MBNL3: variants seen among roughly 807,000 people sequenced by gnomAD.
MBNL3 encodes muscleblind like splicing regulator 3, also known as muscleblind-like protein 3.
Under a neutral mutation model 24.5 loss-of-function variants are expected in MBNL3, and 6 were observed. The observed-to-expected ratio is 0.25, with a 90% CI of 0.13 to 0.48. The LOEUF (loss-of-function observed/expected upper bound fraction) is 0.48. MBNL3 is among the 20% of genes least tolerant of loss of function. MBNL3 has a pLI of 0.99. For synonymous variants in MBNL3, 100 were observed against 101.7 expected (o/e 0.98, Z 0.10); for missense variants, 230 against 293.5 (o/e 0.78, Z 1.58).
chrX:132,412,159 A>G (rs932539275), intron 2 of MBNL3, among the ~76,000 whole-genome samples: 1 of 111,038 alleles, frequency 9.0e-6, no homozygotes, highest in African/African-American at 3.3e-5. Flanking sequence ...GTAATTTAGT[A>G]TAACTTAACC....
intron 1 of MBNL3, among the ~76,000 whole-genome samples, chrX:132,456,150 A>T (rs776437185): frequency 8.9e-6 from 1 of 112,292 alleles, no homozygotes; most frequent in African/African-American, 3.2e-5. Flanking sequence ...CTTCTGTTAA[A>T]CAAATAATTT....
At chrX:132,420,298 G>C (rs1943679467) in intron 2 of MBNL3, among the ~76,000 whole-genome samples, 1 of 112,198 alleles carries the variant, frequency 8.9e-6, no homozygotes. Flanking sequence ...GAGCGCAGCA[G>C]ACACCCTGCC....
chrX:132,464,593 C>T (rs1481686648), intron 1 of MBNL3, among the ~76,000 whole-genome samples: 1 of 111,893 alleles, frequency 8.9e-6, no homozygotes, highest in East Asian at 2.8e-4. Flanking sequence ...CATTTCTTTA[C>T]GAGCTTATTC....
chrX:132,454,773 T>G (rs1258326414), intron 1 of MBNL3, among the ~76,000 whole-genome samples: 1 of 112,296 alleles, frequency 8.9e-6, no homozygotes, highest in Non-Finnish European at 1.9e-5. Context: ...ACAAACCAAC[T>G]GCCTAGAGTT....
intron 1 of MBNL3, among the ~76,000 whole-genome samples, chrX:132,442,243 T>C (rs1197519206): frequency 8.9e-6 from 1 of 111,763 alleles, no homozygotes; most frequent in Non-Finnish European, 1.9e-5. Context: ...AATAGATGAA[T>C]TGGGTAATAT....
At chrX:132,385,068 G>A (rs1004862377) in intron 6 of MBNL3, among the ~76,000 whole-genome samples, 6 of 110,740 alleles carry the variant, frequency 5.4e-5, no homozygotes, top group Admixed American at 1.9e-4. Context: ...TCTGGTGTCC[G>A]TGTTTCTATT....
chrX:132,406,076 T>TG lies in MBNL3; in HGVS notation c.342+151dup. 4.9e-6 allele frequency: 3 copies of TG among 617,927 alleles called. No individual in the cohort carries two copies. In the South Asian group the frequency reaches 8.2e-5, roughly 17 times the overall value. The allele number at this position is 617,927 out of a possible 1,213,427, so 50.9% of individuals were successfully genotyped here. On this transcript the variant is annotated intron_variant, in intron 3 of 8. Coordinates refer to ENST00000370853, the MANE Select transcript of MBNL3 (RefSeq NM_001386889.1). ...AGCCAGGTTTTCAGTGCAACACACC[T>TG]GACTGCTCTCTTCAAGTGCACAGCT...
At chrX:132,487,853 G>GAAACA (rs993753703) in intron 1 of MBNL3, among the ~76,000 whole-genome samples, 3 of 112,113 alleles carry the variant, frequency 2.7e-5, no homozygotes, top group Admixed American at 9.4e-5. Context: ...ACTGGAGGGG[G>GAAACA]AAACAAAACA....
intron 6 of MBNL3, among the ~76,000 whole-genome samples, chrX:132,385,310 G>T (rs1049833099): frequency 9.0e-6 from 1 of 111,488 alleles, no homozygotes; most frequent in Non-Finnish European, 1.9e-5. Context: ...AGTAACTGTA[G>T]TATTAAGAAA....
Position 132,379,686 on chromosome X carries a change from G to GAA in MBNL3, c.1054-11_1054-10dup. ...GCTGTTCAGAATTTCAGCTGAAATGGAAAAAAAAAGAAAGAAAGAAAGAGT... is the reference window on the plus strand; with the variant it reads ...GCTGTTCAGAATTTCAGCTGAAATGGAAAAAAAAAAAGAAAGAAAGAAAGAGT... On this transcript the variant is annotated splice_polypyrimidine_tract_variant and intron_variant, in intron 8 of 8. Coordinates refer to ENST00000370853, the MANE Select transcript of MBNL3 (RefSeq NM_001386889.1). 1 of 1,137,760 alleles carries GAA rather than the reference G, an allele frequency of 8.8e-7. No individual in the cohort carries two copies. Among genetic ancestry groups the GAA allele is most frequent in the Admixed American group, 2.3e-5 (1 of 43,755 alleles). 93.8% of individuals were successfully genotyped at this position (1,137,760 alleles called of 1,213,427 possible). A position where few individuals can be genotyped will look rare whatever the true frequency, so the allele number is the denominator to read the frequency against.
chrX:132,380,555 G>A (rs1046241830), intron 8 of MBNL3, among the ~76,000 whole-genome samples: 19 of 111,437 alleles, frequency 1.7e-4, no homozygotes, highest in Non-Finnish European at 3.2e-4. Flanking sequence ...TCCTCAGCAG[G>A]AAAGAAGGGC....
At chrX:132,434,457 T>C (rs895238763) in intron 2 of MBNL3, among the ~76,000 whole-genome samples, 2 of 112,271 alleles carry the variant, frequency 1.8e-5, no homozygotes, top group African/African-American at 6.5e-5. Flanking sequence ...ATGGGGGACA[T>C]AGTTATCAGT....
At chrX:132,469,964 G>A (rs1004919756) in intron 1 of MBNL3, among the ~76,000 whole-genome samples, 19 of 111,561 alleles carry the variant, frequency 1.7e-4, no homozygotes, top group Non-Finnish European at 2.6e-4. Flanking sequence ...GAATCATATC[G>A]TAGGTAGCCT....
At chrX:132,425,291 G>T (rs937223218) in intron 2 of MBNL3, among the ~76,000 whole-genome samples, 1 of 111,913 alleles carries the variant, frequency 8.9e-6, no homozygotes, top group Admixed American at 9.4e-5. Context: ...CATGGAGAAA[G>T]TCTAAGAGAC....
intron 1 of MBNL3, among the ~76,000 whole-genome samples, chrX:132,442,143 G>T (rs1190272215): frequency 9.0e-6 from 1 of 111,285 alleles, no homozygotes; most frequent in Non-Finnish European, 1.9e-5. Context: ...TCTCCTTTAG[G>T]GGGTGATGAA....
intron 1 of MBNL3, among the ~76,000 whole-genome samples, chrX:132,479,391 C>T (rs182829716): frequency 1.2e-4 from 13 of 112,603 alleles, no homozygotes; most frequent in African/African-American, 3.5e-4. Flanking sequence ...AAATCGAATA[C>T]GGTCTTTCAT....
chrX:132,436,202 C>G (rs1018669768), intron 2 of MBNL3, among the ~76,000 whole-genome samples: 5 of 111,554 alleles, frequency 4.5e-5, no homozygotes, highest in African/African-American at 1.6e-4. Flanking sequence ...CAGCTGCATA[C>G]CAACATGATA....
chrX:132,468,210 C>T (rs1199183543), intron 1 of MBNL3, among the ~76,000 whole-genome samples: 1 of 112,601 alleles, frequency 8.9e-6, no homozygotes, highest in African/African-American at 3.2e-5. Flanking sequence ...TTTAAAAGCA[C>T]TGATCCTTTG....
At chrX:132,381,672 C>T (rs959247030) in intron 8 of MBNL3, among the ~76,000 whole-genome samples, 1 of 111,693 alleles carries the variant, frequency 9.0e-6, no homozygotes, top group African/African-American at 3.3e-5. Flanking sequence ...AAAATCAAAA[C>T]AACAAGCACA....
Sources: allele counts gnomAD v4.1 joint callset (sites outside exome capture counted in the v4.1 genomes callset), GRCh38; gene constraint gnomAD v4.1.1; transcripts MANE v1.5; gene names NCBI Gene and HGNC (gene_info 2026-07-23, HGNC 2026-07-21).